TOP2B: variants seen among roughly 807,000 people sequenced by gnomAD.
TOP2B encodes DNA topoisomerase 2-beta.
TOP2B carries 51 observed loss-of-function variants against 193.5 expected under a neutral mutation model. The observed-to-expected ratio is 0.26, with a 90% CI of 0.21 to 0.33. TOP2B has a LOEUF of 0.33. Among genes scored for constraint, TOP2B ranks in the 10% least tolerant of loss-of-function variants. The pLI, the probability that TOP2B is intolerant of heterozygous loss-of-function variation, is 1.00. For missense variants in TOP2B, 1,378 were observed against 1,909.3 expected (o/e 0.72, Z 5.19); for synonymous variants, 634 against 635.7 (o/e 1.00, Z 0.04).
intron 32 of TOP2B, among the ~76,000 whole-genome samples, chr3:25,605,529 TAAAA>T: frequency 6.6e-6 from 1 of 151,990 alleles, no homozygotes; most frequent in East Asian, 1.9e-4. Context: ...ATGTGTGTAT[TAAAA>T]AATGATAGTG....
At chr3:25,601,437 G>A (rs897971070) in intron 33 of TOP2B, among the ~76,000 whole-genome samples, 1 of 152,088 alleles carries the variant, frequency 6.6e-6, no homozygotes, top group Non-Finnish European at 1.5e-5. Flanking sequence ...TGGCCAATAC[G>A]GTAAAACCCC....
At chr3:25,617,000 A>G (rs1702521883) in intron 25 of TOP2B, among the ~76,000 whole-genome samples, 1 of 152,068 alleles carries the variant, frequency 6.6e-6, no homozygotes, top group Non-Finnish European at 1.5e-5. Context: ...TCTGTATAAT[A>G]GGACACTCTT....
intron 3 of TOP2B, 43 bp downstream of exon 3, chr3:25,643,651 G>A (rs756903515): frequency 1.4e-6 from 2 of 1,400,182 alleles, no homozygotes; most frequent in African/African-American, 2.8e-5. Context: ...ACACTATGAT[G>A]ATATTAATAG....
At chr3:25,625,385 C>T (rs1702768607) in intron 18 of TOP2B, among the ~76,000 whole-genome samples, 1 of 152,152 alleles carries the variant, frequency 6.6e-6, no homozygotes, top group Admixed American at 6.6e-5. Flanking sequence ...ATATAGTTTT[C>T]ATAAGGATTG....
chr3:25,649,658 T>C (rs1703523694), intron 1 of TOP2B, among the ~76,000 whole-genome samples: 1 of 148,466 alleles, frequency 6.7e-6, no homozygotes, highest in Non-Finnish European at 1.5e-5. Context: ...CCAGCAAAAG[T>C]GCCCTTCAAA....
At chr3:25,616,251 C>T (rs1702500432) in intron 25 of TOP2B, among the ~76,000 whole-genome samples, 1 of 151,674 alleles carries the variant, frequency 6.6e-6, no homozygotes, top group Admixed American at 6.6e-5. Flanking sequence ...TTTCAAAATA[C>T]AATGAATTTA....
At chr3:25,611,752 G>T (rs557071758) in intron 28 of TOP2B, among the ~76,000 whole-genome samples, 2 of 151,936 alleles carry the variant, frequency 1.3e-5, no homozygotes, top group African/African-American at 4.8e-5. Context: ...GTAGTTTAAG[G>T]ACAAACACAA....
chr3:25,624,275 C>A (rs991853089), intron 20 of TOP2B, 22 bp downstream of exon 20: 1 of 1,612,308 alleles, frequency 6.2e-7, no homozygotes, highest in Non-Finnish European at 8.5e-7. Context: ...AACTTTATAC[C>A]ATTATATCAG....
chr3:25,637,066 C>G, intron 6 of TOP2B, 149 bp downstream of exon 6: 1 of 640,094 alleles, frequency 1.6e-6, no homozygotes, highest in Non-Finnish European at 2.7e-6. Context: ...TCTGATGTCT[C>G]TTTACTCTGA....
chr3:25,654,876 A>C (rs1264021884), intron 1 of TOP2B, among the ~76,000 whole-genome samples: 2 of 152,208 alleles, frequency 1.3e-5, no homozygotes, highest in African/African-American at 4.8e-5. Context: ...CAAAAGAATG[A>C]AGTTGGACTC....
In TOP2B at chr3:25,664,748, A is replaced by G; in HGVS notation, c.-451T>C. ...GCGAAGGCCAGCCACTCGAGTCGCC[A>G]GAGTAGTCGTCCCGGTCGCCGCCGC... is the stretch of plus-strand genomic sequence containing the variant. On this transcript the variant is annotated 5_prime_UTR_variant, in exon 1 of 36. Transcript: ENST00000264331. The G allele has an allele frequency of 2.0e-6, 2 of 988,222 alleles. No homozygotes were observed. The highest frequency in any genetic ancestry group is 2.4e-6 in the Non-Finnish European group (2 of 830,682). 61.2% of individuals were successfully genotyped at this position (988,222 alleles called of 1,614,324 possible).
chr3:25,647,124 G>A (rs1370227465), intron 1 of TOP2B, among the ~76,000 whole-genome samples: 1 of 152,160 alleles, frequency 6.6e-6, no homozygotes, highest in Non-Finnish European at 1.5e-5. Context: ...CGGCCAGAAA[G>A]ATGAACTTTA....
chr3:25,632,982 T>G (rs575096637), intron 8 of TOP2B, among the ~76,000 whole-genome samples, 188 bp from the exon 9 acceptor site: 2 of 152,220 alleles, frequency 1.3e-5, no homozygotes, highest in African/African-American at 4.8e-5. Flanking sequence ...TTTTGTTTGT[T>G]TGTTTGTTTG....
intron 1 of TOP2B, among the ~76,000 whole-genome samples, chr3:25,651,989 C>T (rs1703605063): frequency 6.6e-6 from 1 of 151,888 alleles, no homozygotes; most frequent in South Asian, 2.1e-4. Context: ...TGCACAAAGG[C>T]TACAAATAAA....
intron 15 of TOP2B, among the ~76,000 whole-genome samples, chr3:25,627,943 C>A (rs12107072): frequency 6.6e-6 from 1 of 151,848 alleles, no homozygotes; most frequent in Non-Finnish European, 1.5e-5. Flanking sequence ...TGCCTGTAAT[C>A]TCAGCTACTT....
At chr3:25,601,007 G>GAT in intron 34 of TOP2B, 93 bp downstream of exon 34, 35 of 1,367,132 alleles carry the variant, frequency 2.6e-5, no homozygotes, top group Non-Finnish European at 3.3e-5. Flanking sequence ...AAACAAAATA[G>GAT]ATACCTAGCC....
chr3:25,662,825 T>A (rs888658060), intron 1 of TOP2B, among the ~76,000 whole-genome samples: 5 of 152,346 alleles, frequency 3.3e-5, no homozygotes, highest in South Asian at 2.1e-4. Flanking sequence ...AAATAGTGAA[T>A]GAGAACTTAC....
At chr3:25,628,789 C>T in intron 15 of TOP2B, 58 bp downstream of exon 15, 1 of 1,045,596 alleles carries the variant, frequency 9.6e-7, no homozygotes, top group Admixed American at 3.1e-5. Flanking sequence ...TTTTAGATTG[C>T]TTTCATAAGA....
intron 33 of TOP2B, among the ~76,000 whole-genome samples, chr3:25,602,417 A>AAG (rs1553639167): frequency 0.02 from 1,405 of 69,608 alleles, 76 homozygotes; most frequent in African/African-American, 0.095. Context: ...AAAGAAAAAG[A>AAG]AAAAAAAAAA....
Sources: allele counts gnomAD v4.1 joint callset (sites outside exome capture counted in the v4.1 genomes callset), GRCh38; gene constraint gnomAD v4.1.1; transcripts MANE v1.5; gene names NCBI Gene and HGNC (gene_info 2026-07-23, HGNC 2026-07-21).